Variants in TNKS observed in about 807,000 individuals in gnomAD.
TNKS encodes poly [ADP-ribose] polymerase tankyrase-1.
A neutral mutation model predicts 135.8 loss-of-function variants in TNKS; 72 were observed. The ratio of observed to expected loss-of-function variants is 0.53; its 90% CI spans 0.44 to 0.64. TNKS has a LOEUF of 0.64. Ranked by LOEUF, TNKS falls within the 30% of genes least tolerant of loss-of-function variation. TNKS has a pLI of 0.00. For synonymous variants in TNKS, 849 were observed against 649.3 expected, an observed-to-expected ratio of 1.31 and a Z score of -4.68; for missense variants, 1,769 against 1,674.0, an observed-to-expected ratio of 1.06 and a Z score of -0.99.
At chr8:9,766,779 C>T (rs763186244) in intron 25 of TNKS, among the ~76,000 whole-genome samples, 4 of 152,156 alleles carry the variant, frequency 2.6e-5, no homozygotes, top group African/African-American at 2.4e-5. Flanking sequence ...CCACCGTGCC[C>T]AGCCCCAAAT....
chr8:9,624,030 A>AACAACG (rs1554452202), intron 3 of TNKS, among the ~76,000 whole-genome samples: 17 of 130,664 alleles, frequency 1.3e-4, no homozygotes, highest in South Asian at 5.9e-4. Flanking sequence ...CAACAACAAC[A>AACAACG]ACAACAACAA....
chr8:9,599,745 A>G (rs1168473566), intron 2 of TNKS, among the ~76,000 whole-genome samples: 3 of 151,228 alleles, frequency 2.0e-5, no homozygotes, highest in African/African-American at 2.4e-5. Flanking sequence ...ATGTATATGT[A>G]CAGAATAATC....
At chr8:9,772,542 C>A (rs944986731) in intron 26 of TNKS, 4 of 383,726 alleles carry the variant, frequency 1.0e-5, no homozygotes, top group African/African-American at 4.2e-5. Context: ...ACATGAGGCC[C>A]AAGAGACATG....
chr8:9,762,742 C>T (rs1807210867), intron 21 of TNKS, among the ~76,000 whole-genome samples: 1 of 151,748 alleles, frequency 6.6e-6, no homozygotes, highest in South Asian at 2.1e-4. Context: ...CTCTACTAAA[C>T]AAAATACAGA....
At chr8:9,722,934 G>A (rs1804965002) in intron 12 of TNKS, among the ~76,000 whole-genome samples, 1 of 132,762 alleles carries the variant, frequency 7.5e-6, no homozygotes. Flanking sequence ...GAATATATGA[G>A]TTCTGGCAAA....
intron 2 of TNKS, among the ~76,000 whole-genome samples, chr8:9,607,880 A>G (rs192878256): frequency 1.3e-5 from 2 of 152,174 alleles, no homozygotes; most frequent in Admixed American, 6.5e-5. Context: ...TTGACTGCAT[A>G]TATGTTTTAT....
At position 9,564,553 on chromosome 8, in the gene TNKS, G is replaced by C. The variant is rs1797453110; in HGVS notation, c.673+7941G>C. Among the ~76,000 whole-genome samples, 3 of 152,184 alleles carry C rather than the reference G, an allele frequency of 2.0e-5. No homozygotes were observed. The South Asian group carries it at 6.2e-4, about 32-fold the overall frequency. ...AGTTTAGTCTTTAATATTTTTAACA[G>C]CCTCCTTTTGTGTCATAGACAAAGA... On this transcript the variant is annotated intron_variant, in intron 1 of 26. Transcript: ENST00000310430.
At chr8:9,695,755 T>C (rs145387694) in intron 5 of TNKS, among the ~76,000 whole-genome samples, 1 of 152,178 alleles carries the variant, frequency 6.6e-6, no homozygotes, top group East Asian at 1.9e-4. Flanking sequence ...TGAGAAGTGA[T>C]TGGATTCTGG....
chr8:9,743,216 G>T (rs531923508), intron 17 of TNKS, among the ~76,000 whole-genome samples: 1 of 152,122 alleles, frequency 6.6e-6, no homozygotes. Flanking sequence ...GCAACTGTAG[G>T]TATAGTGTTA....
intron 13 of TNKS, among the ~76,000 whole-genome samples, chr8:9,727,114 T>C (rs1448622870): frequency 6.6e-6 from 1 of 152,192 alleles, no homozygotes; most frequent in Non-Finnish European, 1.5e-5. Flanking sequence ...CAGGATGACA[T>C]TTGAAAGAAT....
At chr8:9,690,549 C>T (rs999808421) in intron 5 of TNKS, among the ~76,000 whole-genome samples, 8 of 152,074 alleles carry the variant, frequency 5.3e-5, no homozygotes, top group Non-Finnish European at 7.4e-5. Context: ...CATTTGAGTT[C>T]AGGAGTTTGA....
chr8:9,771,853 A>AGAGAGGAAGGAAGGGAAGGG (rs1807906440), intron 26 of TNKS, among the ~76,000 whole-genome samples: 1 of 78,828 alleles, frequency 1.3e-5, no homozygotes, highest in Non-Finnish European at 2.6e-5. Flanking sequence ...GGAGGGAGGG[A>AGAGAGGAAGGAAGGGAAGGG]GAGAGAGCTA....
At chr8:9,755,788 G>T (rs1367748820) in intron 20 of TNKS, among the ~76,000 whole-genome samples, 1 of 152,266 alleles carries the variant, frequency 6.6e-6, no homozygotes. Flanking sequence ...CCTACTCATG[G>T]ATGCCAGTGG....
At chr8:9,727,325 C>G (rs1805211686) in intron 13 of TNKS, among the ~76,000 whole-genome samples, 1 of 152,052 alleles carries the variant, frequency 6.6e-6, no homozygotes, top group Admixed American at 6.6e-5. Context: ...TAGTCATATT[C>G]TAATACTAAG....
At chr8:9,715,360 A>G (rs560256813) in intron 11 of TNKS, among the ~76,000 whole-genome samples, 67 of 86,370 alleles carry the variant, frequency 7.8e-4, no homozygotes, top group African/African-American at 2.5e-3. Context: ...TACTAGCAGC[A>G]GGGGGGGCGG....
In TNKS at chr8:9,585,104, T is replaced by G. The variant is rs1289707003; in HGVS notation, c.898+4721T>G. Among the ~76,000 whole-genome samples, 5 of 150,982 alleles carry G rather than the reference T, an allele frequency of 3.3e-5. No individual in the cohort carries two copies. The East Asian group carries it at 9.7e-4, about 29-fold the overall frequency. Reference sequence around the variant, plus strand: ...CTCCCAGAGAAATTAAAGTATAAAGTGGGGAAGAAATTTCCTGGGGCCAAA... The same window carrying G: ...CTCCCAGAGAAATTAAAGTATAAAGGGGGGAAGAAATTTCCTGGGGCCAAA... On this transcript the variant is annotated intron_variant, in intron 2 of 26. Coordinates refer to ENST00000310430, the MANE Select transcript of TNKS (RefSeq NM_003747.3).
intron 11 of TNKS, among the ~76,000 whole-genome samples, chr8:9,719,042 A>G (rs1804740569): frequency 6.6e-6 from 1 of 152,256 alleles, no homozygotes; most frequent in Non-Finnish European, 1.5e-5. Flanking sequence ...CAAAGAAATC[A>G]AAATTCAAGT....
intron 19 of TNKS, 76 bp downstream of exon 19, chr8:9,751,922 C>A (rs1806562201): frequency 7.8e-7 from 1 of 1,289,380 alleles, no homozygotes; most frequent in Non-Finnish European, 1.1e-6. Context: ...CTATTGATAA[C>A]TATTGAATGC....
chr8:9,583,550 G>A (rs544024859), intron 2 of TNKS, among the ~76,000 whole-genome samples: 22 of 151,514 alleles, frequency 1.5e-4, no homozygotes, highest in East Asian at 1.2e-3. Context: ...GTGCGGTGGC[G>A]CGATCTCTGC....
Sources: gnomAD v4.1 joint callset for allele counts (sites outside exome capture counted in the v4.1 genomes callset) on GRCh38, gnomAD v4.1.1 for gene constraint, MANE v1.5 for transcripts, NCBI Gene and HGNC (gene_info 2026-07-23, HGNC 2026-07-21) for gene names.